TTLL5: variants seen among roughly 807,000 people sequenced by gnomAD.
The protein encoded by TTLL5 is tubulin polyglutamylase TTLL5.
Under a neutral mutation model 168.4 loss-of-function variants are expected in TTLL5, and 132 were observed. The observed-to-expected ratio is 0.78, with a 90% CI of 0.68 to 0.91. The LOEUF (loss-of-function observed/expected upper bound fraction) is 0.91. TTLL5 is among the 40% of genes least tolerant of loss of function. The pLI is 0.00. For synonymous variants in TTLL5, 546 were observed against 558.6 expected, an observed-to-expected ratio of 0.98 and a Z score of 0.32; for missense variants, 1,545 against 1,581.5, an observed-to-expected ratio of 0.98 and a Z score of 0.39.
At chr14:75,917,408 C>T (rs913395000) in intron 31 of TTLL5, among the ~76,000 whole-genome samples, 2 of 152,190 alleles carry the variant, frequency 1.3e-5, no homozygotes, top group Admixed American at 6.5e-5. Flanking sequence ...TCTGAAAACT[C>T]GGCCCGTCAA....
chr14:75,734,381 T>C (rs1247688791), intron 14 of TTLL5, among the ~76,000 whole-genome samples: 4 of 152,300 alleles, frequency 2.6e-5, no homozygotes, highest in African/African-American at 9.6e-5. Context: ...GGAGACTGGC[T>C]ATATTTCTGC....
intron 20 of TTLL5, 55 bp downstream of exon 20, chr14:75,766,423 T>C: frequency 6.9e-7 from 1 of 1,446,882 alleles, no homozygotes; most frequent in Non-Finnish European, 9.3e-7. Context: ...ACTTGTACTG[T>C]GTACCAGCTA....
chr14:75,746,062 C>G (rs917868084), intron 17 of TTLL5, among the ~76,000 whole-genome samples: 2 of 152,090 alleles, frequency 1.3e-5, no homozygotes, highest in African/African-American at 4.8e-5. Context: ...CCTCTTTATC[C>G]CCTTTTATAT....
chr14:75,685,499 C>G (rs1396024292), intron 5 of TTLL5, among the ~76,000 whole-genome samples: 1 of 152,002 alleles, frequency 6.6e-6, no homozygotes, highest in East Asian at 1.9e-4. Context: ...CTTAAACATG[C>G]AAGAGGATAT....
chr14:75,856,051 T>A (rs955408003), intron 28 of TTLL5, among the ~76,000 whole-genome samples: 16 of 152,192 alleles, frequency 1.1e-4, no homozygotes, highest in African/African-American at 3.6e-4. Context: ...AAGGAAAATA[T>A]GCTTTAATGA....
intron 28 of TTLL5, among the ~76,000 whole-genome samples, chr14:75,858,158 A>G (rs1897229669): frequency 6.6e-6 from 1 of 152,208 alleles, no homozygotes; most frequent in African/African-American, 2.4e-5. Context: ...GGAAGCCAAT[A>G]GAATCAAACA....
chr14:75,688,766 A>G (rs1034803964), intron 5 of TTLL5, among the ~76,000 whole-genome samples: 8 of 152,190 alleles, frequency 5.3e-5, no homozygotes, highest in Non-Finnish European at 7.4e-5. Flanking sequence ...TTTGGTGTCT[A>G]AAGTGTTGAG....
chr14:75,723,279 G>A (rs1292788270), intron 12 of TTLL5, among the ~76,000 whole-genome samples: 1 of 152,140 alleles, frequency 6.6e-6, no homozygotes, highest in Non-Finnish European at 1.5e-5. Flanking sequence ...TTTGCTCTTA[G>A]AGAATGTTCA....
chr14:75,877,650 G>A (rs1019291408), intron 29 of TTLL5, among the ~76,000 whole-genome samples: 27 of 152,216 alleles, frequency 1.8e-4, no homozygotes, highest in African/African-American at 6.5e-4. Flanking sequence ...TAATGATGGT[G>A]CAGCTCCTAT....
chr14:75,869,670 G>T (rs1440061450), intron 29 of TTLL5, among the ~76,000 whole-genome samples: 1 of 151,906 alleles, frequency 6.6e-6, no homozygotes, highest in Admixed American at 6.6e-5. Context: ...GGTAGAACTG[G>T]GATTTGAACC....
At chr14:75,706,967 T>C in intron 7 of TTLL5, 51 bp from the exon 8 acceptor site, 2 of 1,459,046 alleles carry the variant, frequency 1.4e-6, no homozygotes, top group Non-Finnish European at 1.9e-6. Context: ...TTATTGTAAA[T>C]TAGGATTCCT....
In TTLL5 at chr14:75,766,334, C is replaced by G. The variant is rs779878487; in HGVS notation, c.1981C>G (p.Leu661Val). 59 of 1,613,074 alleles carry G rather than the reference C, an allele frequency of 3.7e-5. No individual in the cohort carries two copies. The highest frequency in any genetic ancestry group is 5.3e-5 in the African/African-American group (4 of 74,828). ...ETQELEPKFNLMQILQDNGNL... is the reference protein window; with the variant it reads ...ETQELEPKFNVMQILQDNGNL... ...TCAGGAGCTAGAGCCTAAATTTAAC[C>G]TGATGCAGATTCTTCAAGATAATGG... The change falls in exon 20 of 32, where the codon CTG becomes GTG. Residue 661 changes from leucine (L) to valine (V), a missense_variant. Physicochemically the swap from Leu to Val is conservative, Grantham distance 32. Coordinates refer to ENST00000298832, the MANE Select transcript of TTLL5 (RefSeq NM_015072.5).
chr14:75,667,109 A>T (rs1378117420), intron 2 of TTLL5, among the ~76,000 whole-genome samples: 2 of 149,558 alleles, frequency 1.3e-5, no homozygotes, highest in Non-Finnish European at 3.0e-5. Flanking sequence ...TCTCTCTTTT[A>T]TCTTTCCATG....
Position 75,954,871 on chromosome 14 carries a change from A to C in TTLL5, c.*425A>C, listed in dbSNP as rs2035061177. 1 of 162,688 alleles carries C rather than the reference A, an allele frequency of 6.1e-6. No individual in the cohort carries two copies. Among genetic ancestry groups the C allele is most frequent in the South Asian group, 2.0e-4 (1 of 5,090 alleles). 10.1% of individuals were successfully genotyped at this position (162,688 alleles called of 1,614,324 possible). The stretch of plus-strand genomic sequence containing the variant: ...TTTCCAGATTACAGTATGAAGCTTT[A>C]TTTTCTTTGTACAAGCTTAAAATTT... On this transcript the variant is annotated 3_prime_UTR_variant, in exon 32 of 32. Transcript: ENST00000298832.
chr14:75,740,420 A>C (rs1265633423), intron 15 of TTLL5, among the ~76,000 whole-genome samples: 1 of 152,048 alleles, frequency 6.6e-6, no homozygotes, highest in Non-Finnish European at 1.5e-5. Context: ...TTAGTACCTC[A>C]TTTGGTTTTT....
At chr14:75,898,715 A>G (rs2032786729) in intron 30 of TTLL5, among the ~76,000 whole-genome samples, 1 of 152,140 alleles carries the variant, frequency 6.6e-6, no homozygotes, top group African/African-American at 2.4e-5. Flanking sequence ...CTAAATACAA[A>G]CCTACTTCAT....
intron 28 of TTLL5, 96 bp from the exon 29 acceptor site, chr14:75,863,571 T>G: frequency 8.2e-7 from 1 of 1,222,528 alleles, no homozygotes; most frequent in Non-Finnish European, 1.1e-6. Flanking sequence ...TGTGCTTGGT[T>G]CCATATTGGA....
chr14:75,788,780 A>G (rs1451182592), intron 26 of TTLL5, among the ~76,000 whole-genome samples: 1 of 152,156 alleles, frequency 6.6e-6, no homozygotes, highest in Non-Finnish European at 1.5e-5. Context: ...AATAATACAA[A>G]CAGTTAAGGA....
At chr14:75,790,094 G>C (rs1892608397) in intron 26 of TTLL5, among the ~76,000 whole-genome samples, 1 of 152,162 alleles carries the variant, frequency 6.6e-6, no homozygotes, top group Non-Finnish European at 1.5e-5. Flanking sequence ...TAGATCAGAA[G>C]AAAGGGAGAG....
Sources: allele counts gnomAD v4.1 joint callset (sites outside exome capture counted in the v4.1 genomes callset), GRCh38; gene constraint gnomAD v4.1.1; transcripts MANE v1.5; gene names NCBI Gene and HGNC (gene_info 2026-07-23, HGNC 2026-07-21).